Variants in HDGFL3 observed in about 807,000 individuals in gnomAD.
The protein encoded by HDGFL3 is hepatoma-derived growth factor-related protein 3.
Under a neutral mutation model 27.6 loss-of-function variants are expected in HDGFL3, and 6 were observed. The ratio of observed to expected loss-of-function variants is 0.22; its 90% CI spans 0.12 to 0.43. The LOEUF (loss-of-function observed/expected upper bound fraction) is 0.43, where lower values mean the gene tolerates loss of function less well. Among genes scored for constraint, HDGFL3 ranks in the 20% least tolerant of loss-of-function variants. The pLI is 1.00. For missense variants in HDGFL3, 207 were observed against 250.1 expected, an observed-to-expected ratio of 0.83 and a Z score of 1.16; for synonymous variants, 88 against 88.9, an observed-to-expected ratio of 0.99 and a Z score of 0.05.
At chr15:83,153,805 C>T (rs2036992899) in intron 4 of HDGFL3, among the ~76,000 whole-genome samples, 1 of 152,128 alleles carries the variant, frequency 6.6e-6, no homozygotes, top group Non-Finnish European at 1.5e-5. Context: ...CATAGCCTTA[C>T]TGCTAAAGAG....
At chr15:83,162,093 T>C (rs1242708700) in intron 2 of HDGFL3, among the ~76,000 whole-genome samples, 1 of 152,214 alleles carries the variant, frequency 6.6e-6, no homozygotes, top group Non-Finnish European at 1.5e-5. Flanking sequence ...ACTTTTCACA[T>C]ACCTCCCCTG....
downstream of HDGFL3, chr15:83,127,207 A>G (rs2035846862): frequency 2.7e-6 from 2 of 750,738 alleles, no homozygotes. Flanking sequence ...AAATAAATAA[A>G]TAAAAATAAA....
rs78993872 is a variant in HDGFL3, at chr15:83,168,744, T to C, written c.85-4669A>G. On this transcript the variant is annotated intron_variant, in intron 1 of 5. Transcript: ENST00000299633. ...AATTCTATTGAAACTATCACAGAAA[T>C]TGAGGAGGGATGCCTCTTCCACTCA... Among the ~76,000 whole-genome samples the C allele has an allele frequency of 7.5e-3, 1,140 of 152,196 alleles. 14 individuals carry two copies. The highest frequency in any genetic ancestry group is 0.026 in the African/African-American group (1,059 of 41,528).
intron 1 of HDGFL3, among the ~76,000 whole-genome samples, chr15:83,182,524 T>C (rs889362150): frequency 2.0e-5 from 3 of 152,166 alleles, no homozygotes; most frequent in Non-Finnish European, 4.4e-5. Flanking sequence ...TAAAACACTA[T>C]GCTAAATGAA....
At chr15:83,172,822 C>CAAAA (rs767796165) in intron 1 of HDGFL3, among the ~76,000 whole-genome samples, 1 of 66,760 alleles carries the variant, frequency 1.5e-5, no homozygotes. Context: ...GACTCCAGCT[C>CAAAA]AAAAAAAAAA....
At position 83,137,435 on chromosome 15, in the gene HDGFL3, T is replaced by C. The variant is rs2036673578; in HGVS notation, c.*1835A>G. 6.6e-6 allele frequency: 1 copy of C among 152,204 alleles called. No homozygotes were observed. Among genetic ancestry groups the C allele is most frequent in the African/African-American group, 2.4e-5 (1 of 41,468 alleles). 9.4% of individuals were successfully genotyped at this position (152,204 alleles called of 1,614,324 possible). A position where few individuals can be genotyped will look rare whatever the true frequency, so the allele number is the denominator to read the frequency against. ...GCTTTTAAAGAAAATTTGTGAGTTG[T>C]ATATTCCAATTCAAAATGCCATCTA... On this transcript the variant is annotated 3_prime_UTR_variant, in exon 6 of 6. Transcript: ENST00000299633.
chr15:83,151,878 T>C (rs2036967906), intron 4 of HDGFL3, among the ~76,000 whole-genome samples: 1 of 152,222 alleles, frequency 6.6e-6, no homozygotes, highest in South Asian at 2.1e-4. Context: ...TAAAACTGTT[T>C]GATATAAACT....
intron 1 of HDGFL3, among the ~76,000 whole-genome samples, chr15:83,177,923 T>A (rs974317026): frequency 6.6e-6 from 1 of 152,188 alleles, no homozygotes; most frequent in East Asian, 1.9e-4. Context: ...TTAAAAACAA[T>A]AGTGGTACAG....
chr15:83,166,506 A>T (rs1393603421), intron 1 of HDGFL3, among the ~76,000 whole-genome samples: 1 of 152,210 alleles, frequency 6.6e-6, no homozygotes, highest in Non-Finnish European at 1.5e-5. Flanking sequence ...TATCAAAAAA[A>T]CACACTTGGG....
In HDGFL3 at chr15:83,133,326, C is replaced by T. The variant is rs959404414; in HGVS notation, c.*5944G>A. ...TTTCTGCCTATAACATTCACATGGACATATAACACTCTTTCAGTTCCTCCT... is the reference window on the plus strand; with the variant it reads ...TTTCTGCCTATAACATTCACATGGATATATAACACTCTTTCAGTTCCTCCT... On this transcript the variant is annotated 3_prime_UTR_variant, in exon 6 of 6. Coordinates refer to ENST00000299633, the MANE Select transcript of HDGFL3 (RefSeq NM_016073.4). The T allele has an allele frequency of 6.6e-6, 1 of 152,222 alleles. No homozygotes were observed. The highest frequency in any genetic ancestry group is 1.5e-5 in the Non-Finnish European group (1 of 68,046). The allele number at this position is 152,222 out of a possible 1,614,324, so 9.4% of individuals were successfully genotyped here. A position where few individuals can be genotyped will look rare whatever the true frequency, so the allele number is the denominator to read the frequency against.
downstream of HDGFL3, chr15:83,127,499 G>A: frequency 6.2e-7 from 1 of 1,612,300 alleles, no homozygotes; most frequent in Non-Finnish European, 8.5e-7. Flanking sequence ...ATTCTGTTGA[G>A]AAGGTTTACT....
At chr15:83,119,100 T>C (rs1025137162) in intron 3 of HDGFL3, among the ~76,000 whole-genome samples, 1 of 152,164 alleles carries the variant, frequency 6.6e-6, no homozygotes, top group Non-Finnish European at 1.5e-5. Flanking sequence ...TGCCTGCCTA[T>C]GTGTCAGTAT....
chr15:83,124,478 C>A (rs183844844), downstream of HDGFL3, among the ~76,000 whole-genome samples: 2 of 152,218 alleles, frequency 1.3e-5, no homozygotes, highest in Non-Finnish European at 2.9e-5. Flanking sequence ...AGCCCAAATT[C>A]TTCATTTCAC....
At chr15:83,147,546 A>G (rs34845847) in intron 5 of HDGFL3, among the ~76,000 whole-genome samples, 1 of 152,196 alleles carries the variant, frequency 6.6e-6, no homozygotes, top group Non-Finnish European at 1.5e-5. Flanking sequence ...AAAACTATTC[A>G]ATTAGCCCTA....
rs1347160614 is a variant in HDGFL3 at position 83,151,255 on chromosome 15, G to A, written c.566C>T (p.Thr189Ile). The A allele has an allele frequency of 1.2e-6, 2 of 1,612,980 alleles. No individual in the cohort carries two copies. The highest frequency in any genetic ancestry group is 1.7e-6 in the Non-Finnish European group (2 of 1,179,764). ...SSEGGDAGND[T>I]RNTTSDLQKT... The stretch of plus-strand genomic sequence containing the variant: ...CTGCAAGTCTGAAGTTGTGTTTCTT[G>A]TGTCGTTGCCCGCATCTCCACCCTC... The change falls in exon 5 of 6, where the codon ACA becomes ATA. Residue 189 changes from threonine to isoleucine, a missense_variant. Transcript: ENST00000299633.
chr15:83,139,287 A>G lies in HDGFL3; in HGVS notation c.607-12T>C. ...TATGGTAGTTAGGTCTGTAAAAAAA[A>G]AAAAAAGAAAGAAAACAAGCCTTTA... On this transcript the variant is annotated splice_polypyrimidine_tract_variant and intron_variant, in intron 5 of 5. Coordinates refer to ENST00000299633, the MANE Select transcript of HDGFL3 (RefSeq NM_016073.4). The G allele has an allele frequency of 7.0e-7, 1 of 1,434,112 alleles. No homozygotes were observed. Among genetic ancestry groups the G allele is most frequent in the East Asian group, 2.4e-5 (1 of 41,302 alleles). The allele number at this position is 1,434,112 out of a possible 1,614,324, so 88.8% of individuals were successfully genotyped here.
At chr15:83,166,637 G>C (rs750055249) in intron 1 of HDGFL3, among the ~76,000 whole-genome samples, 11 of 152,150 alleles carry the variant, frequency 7.2e-5, no homozygotes, top group Non-Finnish European at 1.6e-4. Context: ...AAAGAACAGA[G>C]GTTTAACTGG....
rs558643869 is a variant in HDGFL3, at chr15:83,150,210, G to A, written c.606+1005C>T. ...AAAGGGAAGAGAAATTGTTGGAGTT[G>A]TTGCTACTTGCATATTGAAGCGACC... On this transcript the variant is annotated intron_variant, in intron 5 of 5. Coordinates refer to ENST00000299633, the MANE Select transcript of HDGFL3 (RefSeq NM_016073.4). Among the ~76,000 whole-genome samples the A allele has an allele frequency of 3.9e-5, 6 of 152,276 alleles. No homozygotes were observed. The East Asian group carries it at 9.6e-4, about 24-fold the overall frequency.
chr15:83,183,868 C>T (rs17841157), intron 1 of HDGFL3, among the ~76,000 whole-genome samples: 11,552 of 152,014 alleles, frequency 0.076, 531 homozygotes, highest in African/African-American at 0.12. Flanking sequence ...ATTTGCAGAA[C>T]TTTAACCTTA....
Sources: allele counts gnomAD v4.1 joint callset (sites outside exome capture counted in the v4.1 genomes callset), GRCh38; gene constraint gnomAD v4.1.1; transcripts MANE v1.5; gene names NCBI Gene and HGNC (gene_info 2026-07-23, HGNC 2026-07-21).